The following SMYD3 variants were observed in gnomAD, a reference collection of about 807,000 sequenced individuals.
SMYD3 encodes histone-lysine N-methyltransferase SMYD3.
SMYD3 carries 36 observed loss-of-function variants against 57.7 expected under a neutral mutation model. The observed-to-expected ratio is 0.62, with a 90% CI of 0.48 to 0.82. SMYD3 has a LOEUF of 0.82. SMYD3 is among the 40% of genes least tolerant of loss of function. SMYD3 has a pLI of 0.00. For missense variants in SMYD3, 515 were observed against 538.8 expected (o/e 0.96, Z 0.44); for synonymous variants, 211 against 195.0 (o/e 1.08, Z -0.68).
At position 246,166,988 on chromosome 1, in the gene SMYD3, C is replaced by A. The variant is rs556206333; in HGVS notation, c.531+160213G>T. The stretch of plus-strand genomic sequence containing the variant: ...GCGACCATCAATCTGCACTCCGTCT[C>A]TATGGATTCATCTACTTTGAACATT... On this transcript the variant is annotated intron_variant, in intron 5 of 11. Coordinates refer to ENST00000490107, the MANE Select transcript of SMYD3 (RefSeq NM_001167740.2). Among the ~76,000 whole-genome samples the A allele has an allele frequency of 2.1e-4, 32 of 152,294 alleles. No homozygotes were observed. The South Asian group carries it at 3.7e-3, about 18-fold the overall frequency.
chr1:246,178,038 A>G (rs1478613777), intron 5 of SMYD3, among the ~76,000 whole-genome samples: 1 of 152,178 alleles, frequency 6.6e-6, no homozygotes, highest in Non-Finnish European at 1.5e-5. Flanking sequence ...TATGACACAC[A>G]AGGTAATTTA....
intron 5 of SMYD3, among the ~76,000 whole-genome samples, chr1:246,163,406 T>A (rs1049023141): frequency 9.2e-5 from 14 of 152,190 alleles, no homozygotes; most frequent in African/African-American, 3.4e-4. Context: ...TTAACCAAGT[T>A]CTACTTTAAT....
At chr1:246,001,555 T>A (rs904414103) in intron 5 of SMYD3, among the ~76,000 whole-genome samples, 1 of 152,152 alleles carries the variant, frequency 6.6e-6, no homozygotes, top group Non-Finnish European at 1.5e-5. Context: ...CTAAGAAGCA[T>A]GGCTGTTTCT....
chr1:246,473,959 G>GT (rs1405293028), intron 1 of SMYD3, among the ~76,000 whole-genome samples: 3 of 152,126 alleles, frequency 2.0e-5, no homozygotes, highest in Non-Finnish European at 4.4e-5. Context: ...AGCTGAAATT[G>GT]TAATTTTCAA....
chr1:245,751,004 G>A (rs1558298364), intron 11 of SMYD3, among the ~76,000 whole-genome samples: 1 of 152,148 alleles, frequency 6.6e-6, no homozygotes, highest in Non-Finnish European at 1.5e-5. Flanking sequence ...ATGTTCTCAA[G>A]GTTGAAAACA....
chr1:246,097,390 T>A (rs996133216), intron 5 of SMYD3, among the ~76,000 whole-genome samples: 1 of 152,112 alleles, frequency 6.6e-6, no homozygotes, highest in African/African-American at 2.4e-5. Flanking sequence ...GATGCCGAGA[T>A]GGTTCCAGCT....
intron 1 of SMYD3, among the ~76,000 whole-genome samples, chr1:246,418,965 T>C (rs939725405): frequency 1.3e-5 from 2 of 152,198 alleles, no homozygotes; most frequent in Admixed American, 1.3e-4. Context: ...CATTGCACCA[T>C]TGTGATTTGT....
At chr1:246,280,782 T>C (rs1384498758) in intron 5 of SMYD3, among the ~76,000 whole-genome samples, 1 of 152,172 alleles carries the variant, frequency 6.6e-6, no homozygotes, top group Non-Finnish European at 1.5e-5. Flanking sequence ...GGCCTCATCT[T>C]TTCTGTTTCT....
At chr1:246,096,040 T>C (rs1364228929) in intron 5 of SMYD3, among the ~76,000 whole-genome samples, 1 of 152,190 alleles carries the variant, frequency 6.6e-6, no homozygotes, top group African/African-American at 2.4e-5. Context: ...TTATTGGAAA[T>C]TACATAAAAT....
chr1:246,111,963 G>A (rs1420952554), intron 5 of SMYD3, among the ~76,000 whole-genome samples: 2 of 152,142 alleles, frequency 1.3e-5, no homozygotes, highest in Non-Finnish European at 2.9e-5. Flanking sequence ...ACTTAACCTT[G>A]AAAAGGTTAG....
chr1:245,885,753 G>T (rs551363546), intron 8 of SMYD3, among the ~76,000 whole-genome samples: 20 of 152,210 alleles, frequency 1.3e-4, no homozygotes, highest in African/African-American at 4.8e-4. Context: ...GTCTTTTCTT[G>T]AGCTAAAAGA....
At chr1:246,115,476 T>A (rs2061328280) in intron 5 of SMYD3, among the ~76,000 whole-genome samples, 1 of 152,186 alleles carries the variant, frequency 6.6e-6, no homozygotes, top group African/African-American at 2.4e-5. Flanking sequence ...ATAACTTCAC[T>A]GTGTTACAGG....
intron 5 of SMYD3, chr1:246,111,506 T>C (rs1200388296): frequency 6.6e-6 from 1 of 152,222 alleles, no homozygotes; most frequent in Non-Finnish European, 1.5e-5. Flanking sequence ...TGGATATCCT[T>C]GCTCAAAAAG....
At chr1:246,171,751 C>G (rs558995461) in intron 5 of SMYD3, among the ~76,000 whole-genome samples, 6 of 152,316 alleles carry the variant, frequency 3.9e-5, no homozygotes, top group Non-Finnish European at 5.9e-5. Context: ...TGGCTCATGC[C>G]TATGATTCCA....
intron 1 of SMYD3, among the ~76,000 whole-genome samples, chr1:246,392,526 C>A (rs1054873715): frequency 6.6e-6 from 1 of 151,972 alleles, no homozygotes; most frequent in Non-Finnish European, 1.5e-5. Flanking sequence ...TGGCTCACTG[C>A]AGTCTCAATC....
intron 10 of SMYD3, among the ~76,000 whole-genome samples, chr1:245,828,419 TA>T (rs1402853580): frequency 6.6e-5 from 10 of 152,310 alleles, no homozygotes; most frequent in African/African-American, 2.4e-4. Context: ...CCCTTTCCAA[TA>T]AAAAGAAAGG....
At chr1:246,155,038 C>T (rs1399200135) in intron 5 of SMYD3, among the ~76,000 whole-genome samples, 4 of 151,992 alleles carry the variant, frequency 2.6e-5, no homozygotes, top group African/African-American at 9.7e-5. Context: ...GCCTCGGCCT[C>T]CCAAAGTGCT....
chr1:246,175,472 G>A (rs892875875), intron 5 of SMYD3, among the ~76,000 whole-genome samples: 3 of 152,084 alleles, frequency 2.0e-5, no homozygotes, highest in African/African-American at 7.2e-5. Context: ...CAGTACAGAA[G>A]TACTCCAGAC....
chr1:246,405,930 G>T (rs1384485326), intron 1 of SMYD3, among the ~76,000 whole-genome samples: 1 of 145,748 alleles, frequency 6.9e-6, no homozygotes, highest in Non-Finnish European at 1.5e-5. Flanking sequence ...AAAAAAGAAA[G>T]AAAGAAAGAA....
Sources: gnomAD v4.1 joint callset for allele counts (sites outside exome capture counted in the v4.1 genomes callset) on GRCh38, gnomAD v4.1.1 for gene constraint, MANE v1.5 for transcripts, NCBI Gene and HGNC (gene_info 2026-07-23, HGNC 2026-07-21) for gene names.